Variants in PCDH11Y observed in about 807,000 individuals in gnomAD.
PCDH11Y encodes the protein protocadherin 11 Y-linked, also known as protocadherin-11 Y-linked.
For missense variants in PCDH11Y, 12 were observed against 224.8 expected, an observed-to-expected ratio of 0.05 and a Z score of 6.05; for synonymous variants, 9 against 83.6, an observed-to-expected ratio of 0.11 and a Z score of 4.87.
chrY:5,421,130 C>T, intron 2 of PCDH11Y, among the ~76,000 whole-genome samples: 1 of 31,545 alleles, frequency 3.2e-5, no homozygotes, highest in Non-Finnish European at 7.7e-5. Context: ...ATCCCAGCTA[C>T]TCCGGAGGCT....
At chrY:5,238,373 T>G (rs1602891418) in intron 2 of PCDH11Y, among the ~76,000 whole-genome samples, 1 of 33,284 alleles carries the variant, frequency 3.0e-5, no homozygotes, top group East Asian at 8.0e-4. Flanking sequence ...TAGCCATATG[T>G]AGAAAGCTGA....
chrY:5,698,472 C>A, intron 4 of PCDH11Y, among the ~76,000 whole-genome samples: 1 of 32,253 alleles, frequency 3.1e-5, no homozygotes, highest in African/African-American at 1.2e-4. Context: ...TAGGTTTGGT[C>A]TTTTTACATA....
exon 2 of PCDH11Y, chrY:5,101,377 A>T (rs2052779148): frequency 8.2e-6 from 1 of 122,424 alleles, no homozygotes; most frequent in African/African-American, 8.8e-5. Context: ...TCTACTTTAG[A>T]TAGCTATTTA....
intron 2 of PCDH11Y, among the ~76,000 whole-genome samples, chrY:5,295,955 T>TA (rs2053073920): frequency 3.0e-5 from 1 of 33,391 alleles, no homozygotes; most frequent in Admixed American, 2.7e-4. Context: ...CTTGAATTTC[T>TA]TTGATTTTCC....
chrY:5,612,813 C>T, intron 4 of PCDH11Y, among the ~76,000 whole-genome samples: 7 of 30,575 alleles, frequency 2.3e-4, no homozygotes, highest in Non-Finnish European at 3.9e-4. Context: ...CTCTGAAGAA[C>T]GCAGAAACGA....
At chrY:5,120,072 A>G (rs2052815901) in intron 2 of PCDH11Y, among the ~76,000 whole-genome samples, 1 of 33,481 alleles carries the variant, frequency 3.0e-5, no homozygotes, top group African/African-American at 1.2e-4. Flanking sequence ...GGCTTTAAAG[A>G]CAGACCTTTT....
intron 1 of PCDH11Y, among the ~76,000 whole-genome samples, chrY:5,090,519 A>G: frequency 3.1e-5 from 1 of 32,688 alleles, no homozygotes; most frequent in Non-Finnish European, 7.6e-5. Context: ...TTTAGATGGT[A>G]TTTCTTTGGT....
At chrY:5,198,523 T>C in intron 2 of PCDH11Y, among the ~76,000 whole-genome samples, 1 of 32,622 alleles carries the variant, frequency 3.1e-5, no homozygotes, top group African/African-American at 1.2e-4. Flanking sequence ...TTGCAAAACC[T>C]TTATATTGGG....
chrY:5,105,566 T>C, downstream of PCDH11Y: 1 of 24,556 alleles, frequency 4.1e-5, no homozygotes. Flanking sequence ...AGGCGGAAGT[T>C]GCAGTGAGCC....
chrY:5,562,280 A>G, intron 3 of PCDH11Y, among the ~76,000 whole-genome samples: 2 of 33,644 alleles, frequency 5.9e-5, no homozygotes, highest in African/African-American at 1.2e-4. Flanking sequence ...GCATGCTCTG[A>G]TTTTTTTGCT....
intron 2 of PCDH11Y, among the ~76,000 whole-genome samples, chrY:5,482,279 G>T (rs2053328037): frequency 3.0e-5 from 1 of 33,410 alleles, no homozygotes; most frequent in Admixed American, 2.7e-4. Context: ...TTACAGGCGT[G>T]AGCCACTGCA....
intron 4 of PCDH11Y, among the ~76,000 whole-genome samples, chrY:5,588,062 G>GT (rs2053457535): frequency 5.2e-5 from 1 of 19,229 alleles, no homozygotes; most frequent in South Asian, 1.4e-3. Flanking sequence ...ATACAATTTA[G>GT]TTTTTTTTTT....
chrY:5,263,222 A>T (rs2053021657), intron 2 of PCDH11Y, among the ~76,000 whole-genome samples: 1 of 31,682 alleles, frequency 3.2e-5, no homozygotes. Flanking sequence ...GGGTGGAATG[A>T]TATGGTTTGG....
intron 2 of PCDH11Y, among the ~76,000 whole-genome samples, chrY:5,329,989 C>T: frequency 3.0e-5 from 1 of 33,520 alleles, no homozygotes; most frequent in Non-Finnish European, 7.4e-5. Flanking sequence ...CATGCGCGTC[C>T]GTGTGAAGAG....
Position 5,060,231 on chromosome Y carries a change from T to C in PCDH11Y, c.636+2772T>C. Among the ~76,000 whole-genome samples, 4 of 32,380 alleles carry C rather than the reference T, an allele frequency of 1.2e-4. No homozygotes were observed. The East Asian group carries it at 3.2e-3, about 26-fold the overall frequency. 86.9% of individuals were successfully genotyped at this position (32,380 alleles called of 37,273 possible). A position where few individuals can be genotyped will look rare whatever the true frequency, so the allele number is the denominator to read the frequency against. On this transcript the variant is annotated intron_variant, in intron 1 of 1. Coordinates refer to ENST00000215473, the Ensembl canonical transcript of PCDH11Y. ...GCTAATATAAAATGTATATGAATAG[T>C]TCAAATAGCAAAGGGAGAGAAGGGA...
At chrY:5,383,359 G>A (rs2053207087) in intron 2 of PCDH11Y, among the ~76,000 whole-genome samples, 4 of 31,489 alleles carry the variant, frequency 1.3e-4, no homozygotes, top group Admixed American at 3.0e-4. Context: ...TTAGCTGGGC[G>A]TGGTGGTGCG....
At chrY:5,170,084 C>CAT (rs2052885064) in intron 2 of PCDH11Y, among the ~76,000 whole-genome samples, 2 of 31,461 alleles carry the variant, frequency 6.4e-5, no homozygotes, top group African/African-American at 1.2e-4. Flanking sequence ...ACCTGTTTCC[C>CAT]ATATATATAT....
intron 2 of PCDH11Y, among the ~76,000 whole-genome samples, chrY:5,361,887 TAA>T (rs2053174708): frequency 3.0e-5 from 1 of 33,098 alleles, no homozygotes; most frequent in African/African-American, 1.2e-4. Context: ...TTTTGTCCCT[TAA>T]AAAAGTCATC....
At chrY:5,065,547 T>C (rs2124629674) in intron 1 of PCDH11Y, among the ~76,000 whole-genome samples, 5 of 33,119 alleles carry the variant, frequency 1.5e-4, no homozygotes, top group Admixed American at 1.4e-3. Flanking sequence ...TTCTAAGACT[T>C]GATGCTTCAT....
Sources: gnomAD v4.1 joint callset for allele counts (sites outside exome capture counted in the v4.1 genomes callset) on GRCh38, gnomAD v4.1.1 for gene constraint, MANE v1.5 for transcripts, NCBI Gene and HGNC (gene_info 2026-07-23, HGNC 2026-07-21) for gene names.